CFAP47: variants seen among roughly 807,000 people sequenced by gnomAD.
The protein encoded by CFAP47 is cilia and flagella associated protein 47.
Under a neutral mutation model 148.1 loss-of-function variants are expected in CFAP47, and 29 were observed. The ratio of observed to expected loss-of-function variants is 0.20; its 90% CI spans 0.15 to 0.27. The LOEUF (loss-of-function observed/expected upper bound fraction) is 0.27. CFAP47 is among the 10% of genes least tolerant of loss of function. CFAP47 has a pLI of 1.00. For synonymous variants in CFAP47, 664 were observed against 577.3 expected, an observed-to-expected ratio of 1.15 and a Z score of -2.15; for missense variants, 1,872 against 1,697.5, an observed-to-expected ratio of 1.10 and a Z score of -1.81.
Position 35,955,968 on chromosome X carries a change from A to G in CFAP47, c.1182A>G (p.Arg394=), listed in dbSNP as rs142572048. Residue 394 remains arginine (R), a synonymous_variant, in exon 8 of 64, where the codon CGA becomes CGG. Coordinates refer to ENST00000378653, the MANE Select transcript of CFAP47 (RefSeq NM_001304548.2). ...DDDYKTIKSE[R]FQKVELALTG... ...CTATTATTGCTTTTACAGGTGAACG[A>G]TTTCAGAAAGTGGAATTAGCACTGA... The G allele has an allele frequency of 5.8e-6, 7 of 1,209,307 alleles. No individual in the cohort carries two copies. The highest frequency in any genetic ancestry group is 2.2e-5 in the Admixed American group (1 of 45,665).
At chrX:36,304,010 C>T in intron 54 of CFAP47, 50 bp downstream of exon 54, 1 of 614,909 alleles carries the variant, frequency 1.6e-6, no homozygotes, top group East Asian at 3.8e-5. Context: ...GATCATTTTC[C>T]AATTCTGATT....
intron 62 of CFAP47, among the ~76,000 whole-genome samples, chrX:36,373,039 G>A (rs1236912093): frequency 9.0e-6 from 1 of 111,292 alleles, no homozygotes; most frequent in Non-Finnish European, 1.9e-5. Context: ...AATTGCTCTG[G>A]CTAGTTGGAG....
chrX:36,099,634 A>G (rs771771354), intron 31 of CFAP47, 117 bp from the exon 32 acceptor site: 5 of 388,234 alleles, frequency 1.3e-5, no homozygotes, highest in Non-Finnish European at 1.8e-5. Flanking sequence ...GGCACATTGC[A>G]AATTAGAGCT....
intron 27 of CFAP47, among the ~76,000 whole-genome samples, chrX:36,067,807 T>C (rs997014885): frequency 1.8e-5 from 2 of 109,078 alleles, no homozygotes; most frequent in African/African-American, 3.3e-5. Flanking sequence ...GGACTACAGG[T>C]GCCCGCCACC....
chrX:35,983,146 A>G (rs961564939), intron 15 of CFAP47, among the ~76,000 whole-genome samples: 2 of 111,258 alleles, frequency 1.8e-5, no homozygotes, highest in Non-Finnish European at 3.8e-5. Context: ...TGTAATTCTC[A>G]TTGTGGAGAT....
At chrX:36,136,815 C>T (rs893793584) in intron 33 of CFAP47, among the ~76,000 whole-genome samples, 6 of 111,473 alleles carry the variant, frequency 5.4e-5, no homozygotes, top group Admixed American at 1.9e-4. Context: ...ATCATTAATT[C>T]GATTACATTG....
chrX:35,936,831 AT>A (rs1282864905), intron 2 of CFAP47, among the ~76,000 whole-genome samples: 6 of 108,017 alleles, frequency 5.6e-5, no homozygotes, highest in Admixed American at 2.0e-4. Flanking sequence ...GAGTGGAGGC[AT>A]TTTTTTTTCC....
Position 35,956,010 on chromosome X carries a change from T to G in CFAP47, c.1224T>G (p.Pro408=), listed in dbSNP as rs1372521911. 1.6e-6 allele frequency: 2 copies of G among 1,212,263 alleles called. No individual in the cohort carries two copies. The highest frequency in any genetic ancestry group is 2.2e-5 in the Admixed American group (1 of 46,113). The change falls in exon 8 of 64, where the codon CCT becomes CCG. Residue 408 remains proline (P), a synonymous_variant. Coordinates refer to ENST00000378653, the MANE Select transcript of CFAP47 (RefSeq NM_001304548.2). ...TAGCACTGACAGGCACAGGACTTCC[T>G]GTTTTACTACAGTTTGATCCAGGAC... ...VELALTGTGL[P]VLLQFDPGPV...
intron 20 of CFAP47, 39 bp downstream of exon 20, chrX:36,000,466 A>G: frequency 3.5e-6 from 1 of 284,351 alleles, no homozygotes. Context: ...TGTAAAAGGA[A>G]AACAGTTTTA....
At chrX:36,073,096 C>T in intron 28 of CFAP47, 43 bp from the exon 29 acceptor site, 3 of 960,608 alleles carry the variant, frequency 3.1e-6, no homozygotes, top group South Asian at 2.1e-5. Context: ...TATTTTACTC[C>T]TCGTCAAGTA....
At chrX:36,160,152 G>C (rs751081093) in intron 38 of CFAP47, among the ~76,000 whole-genome samples, 1 of 111,802 alleles carries the variant, frequency 8.9e-6, no homozygotes, top group Admixed American at 9.5e-5. Context: ...GGATGGTTGA[G>C]TGATGGCCTG....
chrX:36,033,685 T>G (rs1937306984), intron 23 of CFAP47, among the ~76,000 whole-genome samples: 1 of 111,424 alleles, frequency 9.0e-6, no homozygotes, highest in Non-Finnish European at 1.9e-5. Context: ...ATTGGCTCGT[T>G]GTTTATCCTA....
At chrX:36,273,689 A>G (rs921524411) in intron 49 of CFAP47, among the ~76,000 whole-genome samples, 3 of 111,524 alleles carry the variant, frequency 2.7e-5, no homozygotes, top group Non-Finnish European at 5.7e-5. Context: ...TGTGAAAAAA[A>G]GTTATCATGT....
At chrX:36,201,226 G>A in intron 43 of CFAP47, 48 bp from the exon 44 acceptor site, 1 of 296,030 alleles carries the variant, frequency 3.4e-6, no homozygotes, top group Non-Finnish European at 5.9e-6. Context: ...ACAATGTCAA[G>A]GGCATAAATG....
At chrX:36,348,846 G>A (rs1220535879) in intron 58 of CFAP47, among the ~76,000 whole-genome samples, 6 of 111,673 alleles carry the variant, frequency 5.4e-5, no homozygotes, top group Non-Finnish European at 1.1e-4. Flanking sequence ...AAATCTAAAT[G>A]TGTTCTCTGT....
At chrX:36,381,293 C>T (rs1180152032) in intron 63 of CFAP47, among the ~76,000 whole-genome samples, 2 of 111,501 alleles carry the variant, frequency 1.8e-5, no homozygotes, top group East Asian at 5.6e-4. Flanking sequence ...TGCCCTACCC[C>T]TGACAACCAC....
intron 2 of CFAP47, among the ~76,000 whole-genome samples, chrX:35,937,623 A>C (rs145480508): frequency 0.016 from 1,731 of 110,710 alleles, 39 homozygotes; most frequent in African/African-American, 0.054. Flanking sequence ...TCTCCATTAG[A>C]TTGTAAAATT....
At position 35,966,629 on chromosome X, in the gene CFAP47, T is replaced by G. The variant is rs771765967; in HGVS notation, c.1475T>G (p.Ile492Ser). The G allele has an allele frequency of 1.7e-6, 2 of 1,171,808 alleles. No individual in the cohort carries two copies. The highest frequency in any genetic ancestry group is 2.3e-6 in the Non-Finnish European group (2 of 873,420). ...GVFKVKQMIE[I>S]IGLVAEEDLQ... ...TTCAAAGTGAAGCAGATGATAGAGATTATTGGTTTAGTGGCAGAAGAAGAT... is the reference window on the plus strand; with the variant it reads ...TTCAAAGTGAAGCAGATGATAGAGAGTATTGGTTTAGTGGCAGAAGAAGAT... Residue 492 changes from isoleucine to serine, a missense_variant, in exon 9 of 64, where the codon ATT (isoleucine) becomes AGT (serine). By Grantham distance (142) the Ile-to-Ser change is moderately radical. Coordinates refer to ENST00000378653, the MANE Select transcript of CFAP47 (RefSeq NM_001304548.2).
intron 15 of CFAP47, among the ~76,000 whole-genome samples, chrX:35,987,618 G>A (rs975144957): frequency 1.7e-4 from 19 of 111,100 alleles, no homozygotes; most frequent in African/African-American, 5.9e-4. Context: ...GGAGTAAACC[G>A]TTCTGTCTCA....
Sources: gnomAD v4.1 joint callset for allele counts (sites outside exome capture counted in the v4.1 genomes callset) on GRCh38, gnomAD v4.1.1 for gene constraint, MANE v1.5 for transcripts, NCBI Gene and HGNC (gene_info 2026-07-23, HGNC 2026-07-21) for gene names.